The following RIN2 variants were observed in gnomAD, a reference collection of about 807,000 sequenced individuals.
The protein encoded by RIN2 is Ras and Rab interactor 2, also known as RAB5 interacting protein 2.
A neutral mutation model predicts 78.0 loss-of-function variants in RIN2; 36 were observed. The ratio of observed to expected loss-of-function variants is 0.46; its 90% CI spans 0.35 to 0.61. RIN2 has a LOEUF of 0.61. Ranked by LOEUF, RIN2 falls within the 20% of genes least tolerant of loss-of-function variation. The pLI is 0.00. For synonymous variants in RIN2, 466 were observed against 466.8 expected (o/e 1.00, Z 0.02); for missense variants, 1,087 against 1,159.7 (o/e 0.94, Z 0.91).
chr20:19,892,277 T>C (rs1159581802), intron 3 of RIN2, among the ~76,000 whole-genome samples: 3 of 152,180 alleles, frequency 2.0e-5, no homozygotes, highest in Non-Finnish European at 2.9e-5. Context: ...TGTGCAGTGG[T>C]GCGATCTCGG....
chr20:19,917,845 G>A (rs2123774434), intron 3 of RIN2, among the ~76,000 whole-genome samples: 1 of 152,340 alleles, frequency 6.6e-6, no homozygotes. Flanking sequence ...CCAGTCCACA[G>A]CTGTTTGACA....
chr20:19,847,704 T>C (rs1474282450), intron 2 of RIN2, among the ~76,000 whole-genome samples: 1 of 152,224 alleles, frequency 6.6e-6, no homozygotes, highest in African/African-American at 2.4e-5. Context: ...TGGTTACATA[T>C]TTAAGTGGCA....
chr20:19,992,905 T>G lies in RIN2; in HGVS notation c.2200+606T>G, dbSNP rs1184200211. Among the ~76,000 whole-genome samples, 3 of 152,176 alleles carry G rather than the reference T, an allele frequency of 2.0e-5. No homozygotes were observed. In the East Asian group the frequency reaches 5.8e-4, roughly 29 times the overall value. ...GTTTTCAAGGTGAAAACAGTATTAA[T>G]TTTTTTCCAGTTTTTTTTAAGTATC... On this transcript the variant is annotated intron_variant, in intron 11 of 12. Transcript: ENST00000255006.
In RIN2 at chr20:19,923,627, A is replaced by T. The variant is rs551715000; in HGVS notation, c.58-11472A>T. On this transcript the variant is annotated intron_variant, in intron 3 of 12. Transcript: ENST00000255006. ...ACTCCATCTCTATTTTTAAAAATAG[A>T]CAAATATTAAATTATCCATTGTGTT... Among the ~76,000 whole-genome samples, 139 of 152,198 alleles carry T rather than the reference A, an allele frequency of 9.1e-4. 2 individuals carry two copies. Among genetic ancestry groups the T allele is most frequent in the African/African-American group, 3.2e-3 (133 of 41,546 alleles).
chr20:19,844,596 T>TG (rs1568806906), intron 2 of RIN2, among the ~76,000 whole-genome samples: 30 of 99,200 alleles, frequency 3.0e-4, no homozygotes, highest in African/African-American at 6.8e-4. Context: ...TGCTGCTGCT[T>TG]CTTCCTCTTC....
intron 11 of RIN2, 55 bp from the exon 12 acceptor site, chr20:19,996,624 T>C (rs1320735475): frequency 2.5e-6 from 4 of 1,575,954 alleles, no homozygotes; most frequent in African/African-American, 2.7e-5. Context: ...TCCCCTGTTA[T>C]CACCCGTGAG....
intron 2 of RIN2, among the ~76,000 whole-genome samples, chr20:19,820,485 G>T (rs2035894584): frequency 6.6e-6 from 1 of 152,168 alleles, no homozygotes; most frequent in Admixed American, 6.5e-5. Context: ...CGAGAAGTGT[G>T]GGCGAGGGGT....
At position 19,776,412 on chromosome 20, in the gene RIN2, T is replaced by C. The variant is rs149477967; in HGVS notation, c.-163+18085T>C. ...TGATTCCAGGTCTTTAGATAATAACTCTTGCAACCAATTGCCAATCAGAAA... is the reference window on the plus strand; with the variant it reads ...TGATTCCAGGTCTTTAGATAATAACCCTTGCAACCAATTGCCAATCAGAAA... On this transcript the variant is annotated intron_variant, in intron 1 of 12. Coordinates refer to ENST00000255006, the MANE Select transcript of RIN2 (RefSeq NM_018993.4). Among the ~76,000 whole-genome samples the C allele has an allele frequency of 3.4e-3, 525 of 152,282 alleles. 5 individuals are homozygous for C. The highest frequency in any genetic ancestry group is 0.012 in the African/African-American group (505 of 41,554).
In RIN2 at chr20:19,792,425, G is replaced by C. The variant is rs16981119; in HGVS notation, c.-162-7197G>C. ...GCAGAATCCACCCGGGTCATCAGAG[G>C]GTATCATGTGCCTGAAACAAAATGT... On this transcript the variant is annotated intron_variant, in intron 1 of 12. Coordinates refer to ENST00000255006, the MANE Select transcript of RIN2 (RefSeq NM_018993.4). Among the ~76,000 whole-genome samples, 280 of 152,250 alleles carry C rather than the reference G, an allele frequency of 1.8e-3. 6 individuals carry two copies. The East Asian group carries it at 0.043, about 24-fold the overall frequency.
chr20:19,917,006 G>A (rs1600792122), intron 3 of RIN2, among the ~76,000 whole-genome samples: 2 of 152,124 alleles, frequency 1.3e-5, no homozygotes, highest in South Asian at 4.1e-4. Context: ...ACGAGAAAAA[G>A]TGAAAACCAC....
chr20:19,872,439 T>C (rs2037717785), intron 2 of RIN2, among the ~76,000 whole-genome samples: 1 of 152,164 alleles, frequency 6.6e-6, no homozygotes, highest in Non-Finnish European at 1.5e-5. Context: ...GGATAAAATA[T>C]GGATAAGATG....
At chr20:19,757,876 C>A (rs1035023172), upstream of RIN2, 1 of 152,448 alleles carries the variant, frequency 6.6e-6, no homozygotes, top group Non-Finnish European at 1.5e-5. Flanking sequence ...CAAGTTTGCT[C>A]CGGCTTAGAT....
chr20:19,796,927 A>G (rs1028463745), intron 1 of RIN2, among the ~76,000 whole-genome samples: 8 of 152,336 alleles, frequency 5.3e-5, no homozygotes, highest in South Asian at 2.1e-4. Flanking sequence ...CACAGAGTCA[A>G]TGTTTTTTGT....
chr20:19,804,346 G>T (rs1384778159), intron 2 of RIN2, among the ~76,000 whole-genome samples: 1 of 151,994 alleles, frequency 6.6e-6, no homozygotes, highest in African/African-American at 2.4e-5. Flanking sequence ...GTCATAAATG[G>T]CTCTTATTAT....
chr20:19,854,508 A>T (rs1018643090), intron 2 of RIN2, among the ~76,000 whole-genome samples: 2 of 152,184 alleles, frequency 1.3e-5, no homozygotes, highest in Non-Finnish European at 2.9e-5. Flanking sequence ...CTTCCTATCT[A>T]TGAGCATGGA....
chr20:19,946,456 T>C (rs2041093251), intron 4 of RIN2, among the ~76,000 whole-genome samples: 1 of 152,128 alleles, frequency 6.6e-6, no homozygotes, highest in Non-Finnish European at 1.5e-5. Context: ...GGTTCACACC[T>C]GGAATCCCAG....
intron 1 of RIN2, among the ~76,000 whole-genome samples, chr20:19,789,921 A>C (rs1264954987): frequency 6.6e-6 from 1 of 152,158 alleles, no homozygotes; most frequent in African/African-American, 2.4e-5. Context: ...CACATGACAG[A>C]GGCTTCCCTG....
chr20:19,764,917 C>CT (rs2033803932), intron 1 of RIN2, among the ~76,000 whole-genome samples: 2 of 114,150 alleles, frequency 1.8e-5, no homozygotes, highest in Admixed American at 1.0e-4. Flanking sequence ...TCACTTTCTG[C>CT]GTTTTTTTTT....
intron 2 of RIN2, among the ~76,000 whole-genome samples, chr20:19,855,258 T>A (rs1026280361): frequency 2.6e-5 from 4 of 152,216 alleles, no homozygotes; most frequent in Non-Finnish European, 4.4e-5. Context: ...ATAAGCTTTT[T>A]GATGTGCTGC....
Sources: gnomAD v4.1 joint callset for allele counts (sites outside exome capture counted in the v4.1 genomes callset) on GRCh38, gnomAD v4.1.1 for gene constraint, MANE v1.5 for transcripts, NCBI Gene and HGNC (gene_info 2026-07-23, HGNC 2026-07-21) for gene names.